Variants in SLCO2A1 observed in about 807,000 individuals in gnomAD.
The protein encoded by SLCO2A1 is solute carrier organic anion transporter family member 2A1, also known as matrin F/G 1.
Under a neutral mutation model 71.7 loss-of-function variants are expected in SLCO2A1, and 60 were observed. The observed-to-expected ratio is 0.84, with a 90% CI of 0.68 to 1.04. SLCO2A1 has a LOEUF of 1.04. Ranked by LOEUF, SLCO2A1 falls within the 50% of genes least tolerant of loss-of-function variation. The pLI is 0.00. For missense variants in SLCO2A1, 745 were observed against 813.4 expected (o/e 0.92, Z 1.02); for synonymous variants, 308 against 326.7 (o/e 0.94, Z 0.62).
chr3:134,002,471 A>T (rs1185208848), intron 1 of SLCO2A1, among the ~76,000 whole-genome samples: 1 of 152,226 alleles, frequency 6.6e-6, no homozygotes, highest in African/African-American at 2.4e-5. Flanking sequence ...CAACCATTTG[A>T]GTTGAATATC....
intron 5 of SLCO2A1, among the ~76,000 whole-genome samples, chr3:133,953,433 G>A (rs779117535): frequency 6.6e-6 from 1 of 152,252 alleles, no homozygotes; most frequent in Admixed American, 6.5e-5. Flanking sequence ...CAGAAAGTGA[G>A]TTTGCTTCAG....
At position 133,973,662 on chromosome 3, in the gene SLCO2A1, C is replaced by T; in HGVS notation, c.397+1G>A. 2 of 1,613,570 alleles carry T rather than the reference C, an allele frequency of 1.2e-6. No individual in the cohort carries two copies. Among genetic ancestry groups the T allele is most frequent in the East Asian group, 2.2e-5 (1 of 44,882 alleles). ...TGAGGCAGGGGTTGGAAGCCACTCA[C>T]CAGTGCTGGCCAAGGTGTACTGGTA... On this transcript the variant is annotated splice_donor_variant, in intron 3 of 13. Coordinates refer to ENST00000310926, the MANE Select transcript of SLCO2A1 (RefSeq NM_005630.3). LOFTEE classifies it high-confidence loss of function.
At position 133,979,569 on chromosome 3, in the gene SLCO2A1, C is replaced by T; in HGVS notation, c.146G>A (p.Ser49Asn). 6.2e-7 allele frequency: 1 copy of T among 1,614,062 alleles called. No individual in the cohort carries two copies. The highest frequency in any genetic ancestry group is 1.1e-5 in the South Asian group (1 of 91,068). Reference protein sequence around the residue: ...GLLQLCQLLYSAYFKSSLTTI... With the variant: ...GLLQLCQLLYNAYFKSSLTTI... The stretch of plus-strand genomic sequence containing the variant: ...GGTGAGGCTGCTCTTGAAGTAGGCG[C>T]TGTACAGGAGTTGGCAGAGCTGCAG... Residue 49 changes from serine to asparagine, a missense_variant, in exon 2 of 14, where the codon AGC (serine) becomes AAC (asparagine). Transcript: ENST00000310926.
intron 1 of SLCO2A1, among the ~76,000 whole-genome samples, chr3:134,028,666 C>A (rs1935745128): frequency 6.6e-6 from 1 of 152,196 alleles, no homozygotes; most frequent in Admixed American, 6.5e-5. Context: ...CCACCGGAGG[C>A]TTTACTCAGT....
At chr3:133,985,757 GA>G (rs1281033322) in intron 1 of SLCO2A1, among the ~76,000 whole-genome samples, 2 of 152,170 alleles carry the variant, frequency 1.3e-5, no homozygotes, top group Non-Finnish European at 2.9e-5. Context: ...TTTGTCAAAT[GA>G]ACAATATGTC....
chr3:133,976,797 G>T (rs1409846128), intron 2 of SLCO2A1, among the ~76,000 whole-genome samples: 1 of 152,150 alleles, frequency 6.6e-6, no homozygotes, highest in Non-Finnish European at 1.5e-5. Context: ...TGGCGTGAAG[G>T]GCAGGCAGCC....
chr3:133,980,151 C>T (rs754248911), intron 1 of SLCO2A1, among the ~76,000 whole-genome samples: 3 of 152,228 alleles, frequency 2.0e-5, no homozygotes, highest in Non-Finnish European at 4.4e-5. Context: ...CCTCTAATGC[C>T]TCCAGTAAGG....
At chr3:133,968,639 T>C (rs901545713) in intron 3 of SLCO2A1, among the ~76,000 whole-genome samples, 2 of 152,264 alleles carry the variant, frequency 1.3e-5, no homozygotes, top group Non-Finnish European at 2.9e-5. Context: ...GCATCCATTG[T>C]CTGCATGTGG....
At chr3:133,962,675 G>C (rs55829476) in intron 3 of SLCO2A1, among the ~76,000 whole-genome samples, 568 of 152,280 alleles carry the variant, frequency 3.7e-3, no homozygotes, top group Non-Finnish European at 6.5e-3. Flanking sequence ...CACACATTAG[G>C]AAGAAACAGC....
In SLCO2A1 at chr3:133,947,427, G is replaced by C; in HGVS notation, c.1124C>G (p.Ala375Gly). 1 of 1,613,586 alleles carries C rather than the reference G, an allele frequency of 6.2e-7. No individual in the cohort carries two copies. Among genetic ancestry groups the C allele is most frequent in the Non-Finnish European group, 8.5e-7 (1 of 1,179,794 alleles). ...NFLIGAVNLP[A>G]AALGMLFGGI... ...TCCAAACAGCATCCCCAAGGCTGCA[G>C]CAGGGAGGTTCACAGCACCTATAAG... Residue 375 changes from alanine (A) to glycine (G), a missense_variant, in exon 9 of 14, where the codon GCT becomes GGT. Ala to Gly is a moderately conservative substitution (Grantham distance 60, BLOSUM62 0). Coordinates refer to ENST00000310926, the MANE Select transcript of SLCO2A1 (RefSeq NM_005630.3).
intron 1 of SLCO2A1, among the ~76,000 whole-genome samples, chr3:133,988,376 A>T (rs946084539): frequency 6.6e-6 from 1 of 152,342 alleles, no homozygotes; most frequent in African/African-American, 2.4e-5. Flanking sequence ...ACTGTCAATC[A>T]GAAAATTTTT....
intron 1 of SLCO2A1, among the ~76,000 whole-genome samples, chr3:133,986,613 G>A (rs371453676): frequency 1.4e-4 from 22 of 152,326 alleles, no homozygotes; most frequent in African/African-American, 5.3e-4. Context: ...GGAAGGAAGC[G>A]GGGAAACTGG....
chr3:133,973,910 G>GTTTTCCTGGAT, intron 2 of SLCO2A1, 85 bp from the exon 3 acceptor site: 1 of 1,346,008 alleles, frequency 7.4e-7, no homozygotes, highest in African/African-American at 1.5e-5. Context: ...ACTTCATCCA[G>GTTTTCCTGGAT]GAAAACTGGA....
At chr3:133,935,487 TC>T (rs1933245846) in intron 13 of SLCO2A1, among the ~76,000 whole-genome samples, 1 of 152,172 alleles carries the variant, frequency 6.6e-6, no homozygotes, top group Non-Finnish European at 1.5e-5. Flanking sequence ...GCCCCTTCTT[TC>T]TGCTGCTGCC....
chr3:134,014,550 G>C (rs143087690), intron 1 of SLCO2A1, among the ~76,000 whole-genome samples: 1 of 152,168 alleles, frequency 6.6e-6, no homozygotes, highest in Non-Finnish European at 1.5e-5. Flanking sequence ...GACAATGCGG[G>C]TGCTTTCGCC....
At chr3:133,952,910 T>C (rs892208449) in intron 5 of SLCO2A1, among the ~76,000 whole-genome samples, 22 of 152,196 alleles carry the variant, frequency 1.4e-4, no homozygotes, top group African/African-American at 4.3e-4. Flanking sequence ...TCAAACACCA[T>C]GTTATACCCT....
intron 3 of SLCO2A1, among the ~76,000 whole-genome samples, chr3:133,963,769 A>T (rs909090181): frequency 2.6e-5 from 4 of 152,178 alleles, no homozygotes; most frequent in Non-Finnish European, 5.9e-5. Context: ...AAGCCCTTAA[A>T]CTATCAGCAC....
At chr3:133,939,136 C>G (rs528004125) in intron 11 of SLCO2A1, among the ~76,000 whole-genome samples, 1 of 152,342 alleles carries the variant, frequency 6.6e-6, no homozygotes, top group South Asian at 2.1e-4. Flanking sequence ...TCTGGAAATT[C>G]TTAATTTCTG....
intron 1 of SLCO2A1, among the ~76,000 whole-genome samples, chr3:133,988,157 A>G (rs7614538): frequency 0.76 from 115,223 of 152,070 alleles, 44,254 homozygotes; most frequent in Non-Finnish European, 0.82. Flanking sequence ...GGAGTATAAT[A>G]AGGTGACATG....
Sources: gnomAD v4.1 joint callset for allele counts (sites outside exome capture counted in the v4.1 genomes callset) on GRCh38, gnomAD v4.1.1 for gene constraint, MANE v1.5 for transcripts, NCBI Gene and HGNC (gene_info 2026-07-23, HGNC 2026-07-21) for gene names.